The following PRUNE1 variants were observed in gnomAD, a reference collection of about 807,000 sequenced individuals.
PRUNE1 encodes the protein prune exopolyphosphatase 1, also known as exopolyphosphatase PRUNE1.
A neutral mutation model predicts 42.5 loss-of-function variants in PRUNE1; 25 were observed. The ratio of observed to expected loss-of-function variants is 0.59; its 90% CI spans 0.43 to 0.82. PRUNE1 has a LOEUF of 0.82. Among genes scored for constraint, PRUNE1 ranks in the 40% least tolerant of loss-of-function variants. PRUNE1 has a pLI of 0.00. For missense variants in PRUNE1, 443 were observed against 539.3 expected (o/e 0.82, Z 1.77); for synonymous variants, 203 against 217.1 (o/e 0.93, Z 0.57).
At chr1:151,023,176 CTAAAAGAA>C (rs1288953293) in intron 3 of PRUNE1, among the ~76,000 whole-genome samples, 11 of 152,076 alleles carry the variant, frequency 7.2e-5, no homozygotes, top group African/African-American at 2.7e-4. Flanking sequence ...ATTCTGGGTC[CTAAAAGAA>C]TCAGATTTTC....
chr1:151,017,672 GT>G, intron 1 of PRUNE1, 139 bp from the exon 2 acceptor site: 1 of 400,466 alleles, frequency 2.5e-6, no homozygotes, highest in East Asian at 4.8e-5. Flanking sequence ...GCTGCAGGGA[GT>G]TGTGATCACG....
At chr1:151,029,824 T>C (rs1292426339) in intron 7 of PRUNE1, among the ~76,000 whole-genome samples, 1 of 152,146 alleles carries the variant, frequency 6.6e-6, no homozygotes, top group African/African-American at 2.4e-5. Flanking sequence ...AGAGACCTTT[T>C]CTGCTACTTA....
intron 5 of PRUNE1, among the ~76,000 whole-genome samples, chr1:151,026,933 C>T (rs1169221993): frequency 7.3e-5 from 11 of 150,678 alleles, no homozygotes; most frequent in East Asian, 1.9e-4. Context: ...TACAAGTGCC[C>T]GCCACCACAC....
intron 1 of PRUNE1, among the ~76,000 whole-genome samples, chr1:151,015,889 G>C (rs986809651): frequency 6.6e-6 from 1 of 152,080 alleles, no homozygotes. Flanking sequence ...TATATTTAGT[G>C]TGTCTCATTT....
intron 7 of PRUNE1, among the ~76,000 whole-genome samples, chr1:151,031,191 G>GTTTTTT (rs375087001): frequency 1.6e-5 from 2 of 124,808 alleles, no homozygotes; most frequent in Admixed American, 8.1e-5. Flanking sequence ...GTGTGTGTGT[G>GTTTTTT]TGTTTTTTTT....
intron 7 of PRUNE1, among the ~76,000 whole-genome samples, chr1:151,031,124 T>A (rs4970989): frequency 0.68 from 102,181 of 150,876 alleles, 36,910 homozygotes; most frequent in East Asian, 0.88. Flanking sequence ...TACCATTGTC[T>A]AGGTTGCCCC....
At chr1:151,012,305 TTAAA>T (rs1467058929) in intron 1 of PRUNE1, among the ~76,000 whole-genome samples, 1 of 152,174 alleles carries the variant, frequency 6.6e-6, no homozygotes, top group African/African-American at 2.4e-5. Flanking sequence ...CATGTTTTTC[TTAAA>T]TAAAGAAGAG....
chr1:151,029,449 G>T (rs1200556047), intron 7 of PRUNE1, among the ~76,000 whole-genome samples: 3 of 144,892 alleles, frequency 2.1e-5, no homozygotes, highest in African/African-American at 5.1e-5. Context: ...CTCACTGCAA[G>T]CTCTGCCTCC....
At chr1:151,008,750 C>T (rs1210554803) in intron 1 of PRUNE1, 79 bp downstream of exon 1, 2 of 1,550,322 alleles carry the variant, frequency 1.3e-6, no homozygotes, top group Non-Finnish European at 1.8e-6. Flanking sequence ...CTGGGGGAGC[C>T]TCGACGGTCC....
chr1:151,016,199 T>C (rs1674094569), intron 1 of PRUNE1, among the ~76,000 whole-genome samples: 1 of 151,854 alleles, frequency 6.6e-6, no homozygotes, highest in African/African-American at 2.4e-5. Context: ...ATAGTGACAC[T>C]GCACTCCAGC....
intron 3 of PRUNE1, among the ~76,000 whole-genome samples, chr1:151,023,840 C>T (rs1388668219): frequency 2.0e-5 from 3 of 151,862 alleles, no homozygotes; most frequent in Non-Finnish European, 4.4e-5. Flanking sequence ...GCAGATGCTT[C>T]ACAGAATTTG....
At chr1:151,025,466 T>A in intron 4 of PRUNE1, 49 bp from the exon 5 acceptor site, 1 of 1,568,582 alleles carries the variant, frequency 6.4e-7, no homozygotes, top group Non-Finnish European at 8.7e-7. Context: ...CTGGTGGTTG[T>A]GTGTGAAGGG....
At chr1:151,021,450 C>T (rs1674432069) in intron 3 of PRUNE1, among the ~76,000 whole-genome samples, 1 of 151,888 alleles carries the variant, frequency 6.6e-6, no homozygotes, top group East Asian at 1.9e-4. Context: ...AGCGAAACTC[C>T]GTCTCAAAAA....
At chr1:151,016,794 G>A (rs1674130652) in intron 1 of PRUNE1, among the ~76,000 whole-genome samples, 1 of 150,080 alleles carries the variant, frequency 6.7e-6, no homozygotes, top group Non-Finnish European at 1.5e-5. Context: ...CAGCCACCAC[G>A]CCCAGCCCTG....
intron 3 of PRUNE1, among the ~76,000 whole-genome samples, chr1:151,019,580 TGAGA>T (rs1217680240): frequency 1.4e-5 from 2 of 147,522 alleles, no homozygotes; most frequent in Non-Finnish European, 3.0e-5. Flanking sequence ...AAAAAGATTC[TGAGA>T]CAGATTTATT....
Position 151,008,471 on chromosome 1 carries a change from G to A in PRUNE1, c.-162G>A. Reference sequence around the variant, plus strand: ...AGCGCCCGCTTACGCAGTTCCTCCCGGGGTCGGAGGCCGATTCGCCGTGTG... The same window carrying A: ...AGCGCCCGCTTACGCAGTTCCTCCCAGGGTCGGAGGCCGATTCGCCGTGTG... On this transcript the variant is annotated 5_prime_UTR_variant, in exon 1 of 8. Coordinates refer to ENST00000271620, the MANE Select transcript of PRUNE1 (RefSeq NM_021222.3). 1 of 1,145,290 alleles carries A rather than the reference G, an allele frequency of 8.7e-7. No homozygotes were observed. The highest frequency in any genetic ancestry group is 1.9e-5 in the Admixed American group (1 of 51,836). The allele number at this position is 1,145,290 out of a possible 1,614,324, so 70.9% of individuals were successfully genotyped here.
chr1:151,020,757 G>A (rs965792567), intron 3 of PRUNE1, among the ~76,000 whole-genome samples: 4 of 150,598 alleles, frequency 2.7e-5, no homozygotes, highest in Non-Finnish European at 4.4e-5. Flanking sequence ...TGAGGGGGGC[G>A]GATCATGAGG....
chr1:151,010,429 G>A (rs1673704984), intron 1 of PRUNE1, among the ~76,000 whole-genome samples: 3 of 152,064 alleles, frequency 2.0e-5, no homozygotes, highest in Admixed American at 2.0e-4. Flanking sequence ...AAAAATACTT[G>A]ATTTTTCCAA....
At chr1:151,030,386 T>G (rs1675168632) in intron 7 of PRUNE1, among the ~76,000 whole-genome samples, 1 of 152,144 alleles carries the variant, frequency 6.6e-6, no homozygotes, top group South Asian at 2.1e-4. Flanking sequence ...AGAAGGTATG[T>G]CTGTCCTTTC....
Sources: gnomAD v4.1 joint callset for allele counts (sites outside exome capture counted in the v4.1 genomes callset) on GRCh38, gnomAD v4.1.1 for gene constraint, MANE v1.5 for transcripts, NCBI Gene and HGNC (gene_info 2026-07-23, HGNC 2026-07-21) for gene names.